The following ORAI2 variants were observed in gnomAD, a reference collection of about 807,000 sequenced individuals.
ORAI2 encodes protein orai-2.
Under a neutral mutation model 16.2 loss-of-function variants are expected in ORAI2, and 10 were observed. The observed-to-expected ratio is 0.62, with a 90% confidence interval of 0.38 to 1.04. The LOEUF (loss-of-function observed/expected upper bound fraction) is 1.04, where lower values mean the gene tolerates loss of function less well. Ranked by LOEUF, ORAI2 falls within the 50% of genes least tolerant of loss-of-function variation. The pLI, the probability that ORAI2 is intolerant of heterozygous loss-of-function variation, is 0.01. For missense variants in ORAI2, 238 were observed against 355.5 expected, an observed-to-expected ratio of 0.67 and a Z score of 2.66; for synonymous variants, 150 against 157.5, an observed-to-expected ratio of 0.95 and a Z score of 0.35.
At position 102,456,589 on chromosome 7, in the gene ORAI2, A is replaced by T. The variant is rs1797655306; in HGVS notation, c.*9537A>T. The T allele has an allele frequency of 6.6e-6, 1 of 152,060 alleles. No individual in the cohort carries two copies. 9.4% of individuals were successfully genotyped at this position (152,060 alleles called of 1,614,324 possible). A position where few individuals can be genotyped will look rare whatever the true frequency, so the allele number is the denominator to read the frequency against. On this transcript the variant is annotated 3_prime_UTR_variant, in exon 4 of 4. Coordinates refer to ENST00000495936, the MANE Select transcript of ORAI2 (RefSeq NM_001126340.3). ...TTAACAGCGTTATGGGGCTGGAAGG[A>T]GGCTCTCAGATTTCCCTGCCCTCCT...
At chr7:102,438,661 T>A (rs896090331) in intron 2 of ORAI2, among the ~76,000 whole-genome samples, 5 of 152,060 alleles carry the variant, frequency 3.3e-5, no homozygotes, top group Non-Finnish European at 7.4e-5. Context: ...TAATCCCAGC[T>A]ACTCAGGAGA....
At chr7:102,439,325 C>G in intron 3 of ORAI2, 144 bp downstream of exon 3, 1 of 694,238 alleles carries the variant, frequency 1.4e-6, no homozygotes, top group South Asian at 1.8e-5. Context: ...CACGTCCCAG[C>G]TGCTCTAAGA....
intron 1 of ORAI2, among the ~76,000 whole-genome samples, chr7:102,435,097 C>T (rs1294521884): frequency 6.6e-6 from 1 of 152,138 alleles, no homozygotes; most frequent in Non-Finnish European, 1.5e-5. Flanking sequence ...TAGCAAAACC[C>T]TGTCTCTACC....
rs1437117372 is a variant in ORAI2 at position 102,455,616 on chromosome 7, CGA to C, written c.*8568_*8569del. ...GGCAGAGACCCTGCACTGGCCCCCT[CGA>C]GAGTGGACCCCTGGGCTGGCTTATC... is the stretch of plus-strand genomic sequence containing the variant. On this transcript the variant is annotated 3_prime_UTR_variant, in exon 4 of 4. Transcript: ENST00000495936. 6.6e-6 allele frequency: 1 copy of C among 152,272 alleles called. No individual in the cohort carries two copies. The highest frequency in any genetic ancestry group is 2.4e-5 in the African/African-American group (1 of 41,478). The allele number at this position is 152,272 out of a possible 1,614,324, so 9.4% of individuals were successfully genotyped here. A position where few individuals can be genotyped will look rare whatever the true frequency, so the allele number is the denominator to read the frequency against.
At chr7:102,442,070 C>T (rs1431656499) in intron 3 of ORAI2, among the ~76,000 whole-genome samples, 2 of 152,080 alleles carry the variant, frequency 1.3e-5, no homozygotes, top group Non-Finnish European at 2.9e-5. Flanking sequence ...GTTCTTGATG[C>T]GTATTCTTCC....
intron 3 of ORAI2, among the ~76,000 whole-genome samples, chr7:102,440,591 G>A (rs1419603664): frequency 6.6e-6 from 1 of 152,188 alleles, no homozygotes; most frequent in Admixed American, 6.6e-5. Flanking sequence ...GGAGAGGGCG[G>A]TGGTGTGATC....
rs1298315872 is a variant in ORAI2 at position 102,451,869 on chromosome 7, G to C, written c.*4817G>C. 2 of 152,332 alleles carry C rather than the reference G, an allele frequency of 1.3e-5. No individual in the cohort carries two copies. Among genetic ancestry groups the C allele is most frequent in the Non-Finnish European group, 2.9e-5 (2 of 68,100 alleles). 9.4% of individuals were successfully genotyped at this position (152,332 alleles called of 1,614,324 possible). A position where few individuals can be genotyped will look rare whatever the true frequency, so the allele number is the denominator to read the frequency against. On this transcript the variant is annotated 3_prime_UTR_variant, in exon 4 of 4. Transcript: ENST00000495936. ...CATGGGGCTCCGCCCCGAGAGCGCA[G>C]GGTGCCTCTGCCTGGCGCTTCCCCT...
rs1797376835 is a variant in ORAI2, at chr7:102,446,732, G to GC, written c.447dup (p.Trp150LeufsTer99). 6.2e-7 allele frequency: 1 copy of GC among 1,614,040 alleles called. No homozygotes were observed. Among genetic ancestry groups the GC allele is most frequent in the South Asian group, 1.1e-5 (1 of 91,088 alleles). Reference sequence around the variant, plus strand: ...GCGCATGCACCCCTACATCGAGCTGGCCTGGGGCTTCTCCACCGTGCTTGG... The same window carrying GC: ...GCGCATGCACCCCTACATCGAGCTGGCCCTGGGGCTTCTCCACCGTGCTTGG... On this transcript the variant is annotated frameshift_variant, in exon 4 of 4. Transcript: ENST00000495936. LOFTEE classifies it high-confidence loss of function.
rs1299711648 is a variant in ORAI2 at position 102,452,850 on chromosome 7, C to G, written c.*5798C>G. 2 of 152,230 alleles carry G rather than the reference C, an allele frequency of 1.3e-5. No individual in the cohort carries two copies. The highest frequency in any genetic ancestry group is 2.9e-5 in the Non-Finnish European group (2 of 68,128). The allele number at this position is 152,230 out of a possible 1,614,324, so 9.4% of individuals were successfully genotyped here. ...TTTTTGAAACAGTCTCTCTCTGTCT[C>G]CCAGGCTGGAGTGCAGTGGCGTGAT... On this transcript the variant is annotated 3_prime_UTR_variant, in exon 4 of 4. Coordinates refer to ENST00000495936, the MANE Select transcript of ORAI2 (RefSeq NM_001126340.3).
rs185302961 is a variant in ORAI2 at position 102,438,522 on chromosome 7, C to T, written c.-13-422C>T. On this transcript the variant is annotated intron_variant, in intron 2 of 3. Coordinates refer to ENST00000495936, the MANE Select transcript of ORAI2 (RefSeq NM_001126340.3). ...GGGCGCAGTGGCGCATACCTATAAT[C>T]CCAGCAGTTTGGGAGGCTGAGGCAG... Among the ~76,000 whole-genome samples the T allele has an allele frequency of 4.1e-4, 62 of 152,220 alleles. 1 individual carries two copies. In the East Asian group the frequency reaches 0.011, roughly 26 times the overall value.
At position 102,446,692 on chromosome 7, in the gene ORAI2, C is replaced by T. The variant is rs1216272753; in HGVS notation, c.405C>T (p.Ser135=). ...ACATCCACAACCTGAACTCCATCAG[C>T]GAGTCCCCGCATGAGCGCATGCACC... The part of the protein sequence containing the change: ...VSNIHNLNSI[S]ESPHERMHPY... The change falls in exon 4 of 4, where the codon AGC becomes AGT. Residue 135 remains serine, a synonymous_variant. Coordinates refer to ENST00000495936, the MANE Select transcript of ORAI2 (RefSeq NM_001126340.3). 5 of 1,614,090 alleles carry T rather than the reference C, an allele frequency of 3.1e-6. No homozygotes were observed. The highest frequency in any genetic ancestry group is 3.4e-6 in the Non-Finnish European group (4 of 1,180,042).
rs1413195070 is a variant in ORAI2 at position 102,452,550 on chromosome 7, A to C, written c.*5498A>C. 6.6e-6 allele frequency: 1 copy of C among 151,398 alleles called. No individual in the cohort carries two copies. The highest frequency in any genetic ancestry group is 2.4e-5 in the African/African-American group (1 of 41,152). 9.4% of individuals were successfully genotyped at this position (151,398 alleles called of 1,614,324 possible). A position where few individuals can be genotyped will look rare whatever the true frequency, so the allele number is the denominator to read the frequency against. ...GCTTCTGGGCGCAAGCAATCCTCCC[A>C]CCTCAGTCTCCCAAGTAGCTACACT... On this transcript the variant is annotated 3_prime_UTR_variant, in exon 4 of 4. Coordinates refer to ENST00000495936, the MANE Select transcript of ORAI2 (RefSeq NM_001126340.3).
rs1267342623 is a variant in ORAI2, at chr7:102,456,662, G to C, written c.*9610G>C. 6.6e-6 allele frequency: 1 copy of C among 152,172 alleles called. No homozygotes were observed. Among genetic ancestry groups the C allele is most frequent in the African/African-American group, 2.4e-5 (1 of 41,436 alleles). 9.4% of individuals were successfully genotyped at this position (152,172 alleles called of 1,614,324 possible). The stretch of plus-strand genomic sequence containing the variant: ...GCGTGGGGGTGTCAAGCATGAGTCA[G>C]GCTGAGCCTGACTCTGAAGCTGTTC... On this transcript the variant is annotated 3_prime_UTR_variant, in exon 4 of 4. Coordinates refer to ENST00000495936, the MANE Select transcript of ORAI2 (RefSeq NM_001126340.3).
intron 3 of ORAI2, among the ~76,000 whole-genome samples, chr7:102,439,591 T>G (rs191586253): frequency 8.6e-4 from 129 of 150,234 alleles, no homozygotes; most frequent in Middle Eastern, 3.6e-3. Flanking sequence ...GAGACCCCTG[T>G]CTTTACAAAA....
chr7:102,438,283 G>C (rs1797110156), intron 2 of ORAI2, among the ~76,000 whole-genome samples: 1 of 152,020 alleles, frequency 6.6e-6, no homozygotes, highest in Non-Finnish European at 1.5e-5. Flanking sequence ...GGGAGTCAGA[G>C]ATTGCACCAC....
intron 1 of ORAI2, chr7:102,434,615 C>T (rs1270116411): frequency 6.5e-6 from 1 of 152,778 alleles, no homozygotes; most frequent in African/African-American, 2.4e-5. Context: ...CCAGGCTCTC[C>T]CTTGCGTCCC....
Position 102,456,289 on chromosome 7 carries a change from CAAGTT to C in ORAI2, c.*9242_*9246del, listed in dbSNP as rs1301474976. The C allele has an allele frequency of 1.3e-5, 2 of 153,108 alleles. No individual in the cohort carries two copies. The highest frequency in any genetic ancestry group is 2.4e-5 in the African/African-American group (1 of 41,420). 9.5% of individuals were successfully genotyped at this position (153,108 alleles called of 1,614,324 possible). On this transcript the variant is annotated 3_prime_UTR_variant, in exon 4 of 4. Coordinates refer to ENST00000495936, the MANE Select transcript of ORAI2 (RefSeq NM_001126340.3). The stretch of plus-strand genomic sequence containing the variant: ...TAGGGACAGGGTCTTGCTCTGTTGC[CAAGTT>C]AAGTGCAGTGGTATGATCATGAGCT...
chr7:102,439,283 C>G (rs1797136752), intron 3 of ORAI2, 102 bp downstream of exon 3: 1 of 966,064 alleles, frequency 1.0e-6, no homozygotes, highest in African/African-American at 1.6e-5. Context: ...CAGTCTCTGG[C>G]AGCCAGGATG....
rs1447053386 is a variant in ORAI2 at position 102,449,787 on chromosome 7, G to A, written c.*2735G>A. ...CCAGCTACTTGGGAGGCTGAGGTGGGAGGATTGCTTGAGCCTGGGAAGTAG... is the reference window on the plus strand; with the variant it reads ...CCAGCTACTTGGGAGGCTGAGGTGGAAGGATTGCTTGAGCCTGGGAAGTAG... On this transcript the variant is annotated 3_prime_UTR_variant, in exon 4 of 4. Coordinates refer to ENST00000495936, the MANE Select transcript of ORAI2 (RefSeq NM_001126340.3). 1.3e-5 allele frequency: 2 copies of A among 152,310 alleles called. No homozygotes were observed. The highest frequency in any genetic ancestry group is 4.8e-5 in the African/African-American group (2 of 41,444). The allele number at this position is 152,310 out of a possible 1,614,324, so 9.4% of individuals were successfully genotyped here.
Sources: allele counts gnomAD v4.1 joint callset (sites outside exome capture counted in the v4.1 genomes callset), GRCh38; gene constraint gnomAD v4.1.1; transcripts MANE v1.5; gene names NCBI Gene and HGNC (gene_info 2026-07-23, HGNC 2026-07-21).